EBLN1: variants seen among roughly 807,000 people sequenced by gnomAD.
EBLN1 encodes endogenous Bornavirus like nucleoprotein 1.
In EBLN1, 1 loss-of-function variant was observed where a neutral mutation model predicts 0.8. That is an observed-to-expected ratio of 1.32 (90% CI 0.47 to 6.26). The LOEUF (loss-of-function observed/expected upper bound fraction) is 6.26, where lower values mean the gene tolerates loss of function less well. EBLN1 is among the 30% of genes most tolerant of loss of function. EBLN1 has a pLI of 0.15. For missense variants in EBLN1, 396 were observed against 447.9 expected, an observed-to-expected ratio of 0.88 and a Z score of 1.05; for synonymous variants, 158 against 158.5, an observed-to-expected ratio of 1.00 and a Z score of 0.02.
At chr10:22,215,907 T>A (rs888583788) in intron 1 of EBLN1, among the ~76,000 whole-genome samples, 2 of 152,096 alleles carry the variant, frequency 1.3e-5, no homozygotes, top group African/African-American at 4.8e-5. Flanking sequence ...ATGGGAAAAT[T>A]ATTACAAGAT....
intron 2 of EBLN1, among the ~76,000 whole-genome samples, chr10:22,211,324 A>AT (rs2131944458): frequency 6.6e-6 from 1 of 152,310 alleles, no homozygotes; most frequent in South Asian, 2.1e-4. Flanking sequence ...AAAAGGTGAG[A>AT]TTTATGAAAA....
At chr10:22,211,681 T>C (rs893978465) in intron 2 of EBLN1, among the ~76,000 whole-genome samples, 2 of 152,064 alleles carry the variant, frequency 1.3e-5, no homozygotes, top group African/African-American at 4.8e-5. Context: ...TTTGTAGAGA[T>C]AGAGTTTCGT....
intron 2 of EBLN1, among the ~76,000 whole-genome samples, chr10:22,210,401 C>T (rs1009866471): frequency 1.7e-4 from 26 of 152,238 alleles, no homozygotes; most frequent in African/African-American, 6.3e-4. Context: ...AATAAAACCC[C>T]CTATAATGAA....
chr10:22,209,406 A>G lies in EBLN1; in HGVS notation c.578T>C (p.Ile193Thr), dbSNP rs769311906. The change falls in exon 3 of 3, where the codon ATA becomes ACA. Residue 193 changes from isoleucine (I) to threonine (T), a missense_variant. By Grantham distance (89) the Ile-to-Thr change is moderately conservative. Coordinates refer to ENST00000422359, the MANE Select transcript of EBLN1 (RefSeq NM_001394757.1). ...CCATGGTCTTGAGTTGATCCAATCT[A>G]TAGCTGGCCCTGCATTATAGCTAAT... The part of the protein sequence containing the change: ...LLISYNAGPA[I>T]DWINSRPWVG... 5.0e-6 allele frequency: 8 copies of G among 1,604,152 alleles called. No homozygotes were observed. Among genetic ancestry groups the G allele is most frequent in the East Asian group, 4.5e-5 (2 of 44,882 alleles).
chr10:22,217,680 C>T (rs745805432), intron 1 of EBLN1, among the ~76,000 whole-genome samples: 2 of 152,130 alleles, frequency 1.3e-5, no homozygotes, highest in Non-Finnish European at 2.9e-5. Context: ...CTGACTACAC[C>T]ATGATATAAC....
intron 1 of EBLN1, among the ~76,000 whole-genome samples, chr10:22,213,556 A>C (rs1834770491): frequency 6.6e-6 from 1 of 151,972 alleles, no homozygotes; most frequent in Admixed American, 6.6e-5. Context: ...CTTGAAGAAA[A>C]CCCCCAAAAA....
chr10:22,216,499 C>T (rs1478087601), intron 1 of EBLN1, among the ~76,000 whole-genome samples: 11 of 152,118 alleles, frequency 7.2e-5, no homozygotes, highest in Non-Finnish European at 4.4e-5. Context: ...AAACAAGCTA[C>T]TTGCATCAAA....
In EBLN1 at chr10:22,208,740, TA is replaced by T; in HGVS notation, c.*142del. On this transcript the variant is annotated 3_prime_UTR_variant, in exon 3 of 3. Coordinates refer to ENST00000422359, the MANE Select transcript of EBLN1 (RefSeq NM_001394757.1). The stretch of plus-strand genomic sequence containing the variant: ...ATATTGGATGGACTCTTTTAAAGAA[TA>T]AAAGATTATAGAGAAGTTGCGATAG... The T allele has an allele frequency of 1.1e-6, 1 of 907,550 alleles. No homozygotes were observed. Among genetic ancestry groups the T allele is most frequent in the Non-Finnish European group, 1.6e-6 (1 of 640,544 alleles). The allele number at this position is 907,550 out of a possible 1,614,324, so 56.2% of individuals were successfully genotyped here.
chr10:22,216,561 T>C (rs907304408), intron 1 of EBLN1, among the ~76,000 whole-genome samples: 2 of 152,200 alleles, frequency 1.3e-5, no homozygotes, highest in Non-Finnish European at 1.5e-5. Flanking sequence ...CAACATTCTA[T>C]GTACAATAGG....
rs1279199631 is a variant in EBLN1, at chr10:22,208,836, CATA to C, written c.*44_*46del. The C allele has an allele frequency of 6.9e-7, 1 of 1,445,230 alleles. No homozygotes were observed. The highest frequency in any genetic ancestry group is 2.5e-5 in the East Asian group (1 of 40,240). 89.5% of individuals were successfully genotyped at this position (1,445,230 alleles called of 1,614,324 possible). A position where few individuals can be genotyped will look rare whatever the true frequency, so the allele number is the denominator to read the frequency against. On this transcript the variant is annotated 3_prime_UTR_variant, in exon 3 of 3. Transcript: ENST00000422359. ...ATACTATTTTAGAATGTGATTTTCACATAATTTCTTTTTATATGTATATATAAG... is the reference window on the plus strand; with the variant it reads ...ATACTATTTTAGAATGTGATTTTCACATTTCTTTTTATATGTATATATAAG...
intron 1 of EBLN1, among the ~76,000 whole-genome samples, chr10:22,215,318 A>T (rs1834784262): frequency 6.6e-6 from 1 of 152,178 alleles, no homozygotes; most frequent in Non-Finnish European, 1.5e-5. Flanking sequence ...TCAATACACA[A>T]TGTGTAATAT....
At position 22,209,165 on chromosome 10, in the gene EBLN1, C is replaced by T. The variant is rs1232554222; in HGVS notation, c.819G>A (p.Lys273=). 2 of 1,535,810 alleles carry T rather than the reference C, an allele frequency of 1.3e-6. No homozygotes were observed. Among genetic ancestry groups the T allele is most frequent in the Admixed American group, 2.0e-5 (1 of 50,984 alleles). The stretch of plus-strand genomic sequence containing the variant: ...CAAATTCAAAGAAATCTCCAAGTAC[C>T]TTTTTAGCCAGTGGTTTCTTCTGCT... ...VFEQKKPLAK[K]VLGDFFEFGG... Residue 273 remains lysine, a synonymous_variant, in exon 3 of 3, where the codon AAG becomes AAA. Coordinates refer to ENST00000422359, the MANE Select transcript of EBLN1 (RefSeq NM_001394757.1).
chr10:22,208,810 G>C lies in EBLN1; in HGVS notation c.*73C>G. On this transcript the variant is annotated 3_prime_UTR_variant, in exon 3 of 3. Transcript: ENST00000422359. ...GATTGAAAACAATAGGCAACACTCA[G>C]ATACTATTTTAGAATGTGATTTTCA... The C allele has an allele frequency of 7.1e-7, 1 of 1,406,786 alleles. No homozygotes were observed. The allele number at this position is 1,406,786 out of a possible 1,614,324, so 87.1% of individuals were successfully genotyped here.
In EBLN1 at chr10:22,208,985, A is replaced by T; in HGVS notation, c.999T>A (p.Pro333=). ...TCTGAGCAGATGCCATTTGAAGTACAGGGAATGTAATAGTTGATCCTGGTA... is the reference window on the plus strand; with the variant it reads ...TCTGAGCAGATGCCATTTGAAGTACTGGGAATGTAATAGTTGATCCTGGTA... ...DIIPGSTITF[P]VLQMASAQKI... Residue 333 remains proline (P), a synonymous_variant, in exon 3 of 3, where the codon CCT becomes CCA. Transcript: ENST00000422359. The T allele has an allele frequency of 6.5e-7, 1 of 1,535,746 alleles. No homozygotes were observed. The highest frequency in any genetic ancestry group is 8.7e-7 in the Non-Finnish European group (1 of 1,146,922).
chr10:22,212,384 T>C lies in EBLN1; in HGVS notation c.-45+458A>G, dbSNP rs1358665716. Among the ~76,000 whole-genome samples the C allele has an allele frequency of 2.6e-5, 4 of 152,320 alleles. No individual in the cohort carries two copies. The East Asian group carries it at 5.8e-4, about 22-fold the overall frequency. ...AATGGCCTATGAAAATTTGATCCCT[T>C]ATCTTATAAAATGCCGTAGCAGTAG... On this transcript the variant is annotated intron_variant, in intron 2 of 2. Transcript: ENST00000422359.
At chr10:22,216,008 C>G (rs1834789542) in intron 1 of EBLN1, among the ~76,000 whole-genome samples, 1 of 152,058 alleles carries the variant, frequency 6.6e-6, no homozygotes, top group South Asian at 2.1e-4. Flanking sequence ...TTCAAATTAT[C>G]TTTAACAAAC....
intron 1 of EBLN1, among the ~76,000 whole-genome samples, chr10:22,215,912 C>G: frequency 6.6e-6 from 1 of 151,952 alleles, no homozygotes; most frequent in East Asian, 1.9e-4. Flanking sequence ...AAAATTATTA[C>G]AAGATATCAA....
intron 1 of EBLN1, among the ~76,000 whole-genome samples, chr10:22,216,750 T>C (rs1334887719): frequency 1.3e-5 from 2 of 152,228 alleles, no homozygotes; most frequent in African/African-American, 4.8e-5. Context: ...ATTGTGCTAA[T>C]ACAATTAAAC....
At chr10:22,212,437 T>C (rs1834762674) in intron 2 of EBLN1, among the ~76,000 whole-genome samples, 1 of 152,226 alleles carries the variant, frequency 6.6e-6, no homozygotes, top group Non-Finnish European at 1.5e-5. Context: ...ACCTTTTCAA[T>C]ATTTTTTATT....
Sources: allele counts gnomAD v4.1 joint callset (sites outside exome capture counted in the v4.1 genomes callset), GRCh38; gene constraint gnomAD v4.1.1; transcripts MANE v1.5; gene names NCBI Gene and HGNC (gene_info 2026-07-23, HGNC 2026-07-21).